The following MAPK9 variants were observed in gnomAD, a reference collection of about 807,000 sequenced individuals.
MAPK9 encodes the protein Jun kinase.
MAPK9 carries 30 observed loss-of-function variants against 57.1 expected under a neutral mutation model. The ratio of observed to expected loss-of-function variants is 0.53; its 90% confidence interval spans 0.39 to 0.71. The LOEUF (loss-of-function observed/expected upper bound fraction) is 0.71. Among genes scored for constraint, MAPK9 ranks in the 30% least tolerant of loss-of-function variants. The probability of loss-of-function intolerance (pLI) is 0.00; values close to 1 mark genes in which losing one functional copy is unlikely to be tolerated. For synonymous variants in MAPK9, 155 were observed against 177.0 expected, an observed-to-expected ratio of 0.88 and a Z score of 0.99; for missense variants, 362 against 521.0, an observed-to-expected ratio of 0.69 and a Z score of 2.97.
intron 4 of MAPK9, among the ~76,000 whole-genome samples, chr5:180,263,592 C>A (rs1344581114): frequency 6.6e-6 from 1 of 152,170 alleles, no homozygotes; most frequent in Non-Finnish European, 1.5e-5. Flanking sequence ...TCTAGCCACG[C>A]CACCTCTTGA....
At position 180,247,410 on chromosome 5, in the gene MAPK9, G is replaced by A; in HGVS notation, c.688+29C>T. ...GCTGCCTGAGGCATTAAGAAAGCATGGCGGGGCCAAGGTCGCGGGGAAGGA... is the reference window on the plus strand; with the variant it reads ...GCTGCCTGAGGCATTAAGAAAGCATAGCGGGGCCAAGGTCGCGGGGAAGGA... On this transcript the variant is annotated intron_variant, in intron 7 of 11. Transcript: ENST00000452135. The surrounding 1 kb of genome is among the most constrained non-coding windows in gnomAD (Gnocchi z 4.5). 1 of 1,614,144 alleles carries A rather than the reference G, an allele frequency of 6.2e-7. No homozygotes were observed. Among genetic ancestry groups the A allele is most frequent in the Middle Eastern group, 1.6e-4 (1 of 6,062 alleles).
chr5:180,261,330 A>G (rs1759930535), intron 5 of MAPK9, among the ~76,000 whole-genome samples: 1 of 152,272 alleles, frequency 6.6e-6, no homozygotes, highest in Non-Finnish European at 1.5e-5. Flanking sequence ...TGGCAAATAT[A>G]TTAAAAACAG....
chr5:180,279,870 C>T (rs11744336), intron 2 of MAPK9: 5,346 of 456,574 alleles, frequency 0.012, 46 homozygotes, highest in Non-Finnish European at 0.015. Flanking sequence ...GTCAGACTAA[C>T]GATTCTGACG....
chr5:180,255,174 C>T (rs6875134), intron 5 of MAPK9, among the ~76,000 whole-genome samples: 55,553 of 151,966 alleles, frequency 0.37, 10,459 homozygotes, highest in Non-Finnish European at 0.41. Context: ...CACTACTCAT[C>T]ATGTGAGAGG....
intron 7 of MAPK9, among the ~76,000 whole-genome samples, chr5:180,243,487 A>G (rs1004119831): frequency 1.3e-5 from 2 of 152,270 alleles, no homozygotes; most frequent in South Asian, 4.2e-4. Flanking sequence ...TAGGCTTGGG[A>G]TAATTAGGAT....
chr5:180,291,731 G>A (rs1763269148), intron 1 of MAPK9, 117 bp downstream of exon 1: 1 of 150,106 alleles, frequency 6.7e-6, no homozygotes, highest in Non-Finnish European at 1.5e-5. Flanking sequence ...CGGCTGCCAG[G>A]GCCCCGCAGC....
intron 2 of MAPK9, among the ~76,000 whole-genome samples, chr5:180,278,811 C>T (rs1762057765): frequency 6.6e-6 from 1 of 152,192 alleles, no homozygotes; most frequent in Non-Finnish European, 1.5e-5. Context: ...CTCTCTCTCT[C>T]GCATGCACAC....
At chr5:180,282,161 A>G (rs1042428200) in intron 1 of MAPK9, among the ~76,000 whole-genome samples, 1 of 152,202 alleles carries the variant, frequency 6.6e-6, no homozygotes, top group Non-Finnish European at 1.5e-5. Context: ...CACTGTGAGC[A>G]TTCAATAAAC....
chr5:180,245,604 T>A (rs1758023511), intron 7 of MAPK9, among the ~76,000 whole-genome samples: 1 of 151,908 alleles, frequency 6.6e-6, no homozygotes, highest in South Asian at 2.1e-4. Context: ...GAACAATAAT[T>A]CCGACAAGCC....
intron 1 of MAPK9, 48 bp from the exon 2 acceptor site, chr5:180,280,656 C>T (rs761339562): frequency 8.3e-6 from 12 of 1,451,306 alleles, no homozygotes; most frequent in Non-Finnish European, 1.1e-5. Flanking sequence ...GAAGTACATA[C>T]GCAGCTCACG....
chr5:180,287,845 A>ACC (rs1762905712), intron 1 of MAPK9, among the ~76,000 whole-genome samples: 1 of 152,176 alleles, frequency 6.6e-6, no homozygotes, highest in Non-Finnish European at 1.5e-5. Flanking sequence ...TCTACTCTGT[A>ACC]AGGGCAGAAA....
intron 5 of MAPK9, among the ~76,000 whole-genome samples, chr5:180,252,664 G>A (rs1051929588): frequency 7.9e-5 from 12 of 152,274 alleles, no homozygotes; most frequent in South Asian, 2.1e-4. Flanking sequence ...CCTCCGCTCC[G>A]GCTACACACT....
Position 180,247,799 on chromosome 5 carries a change from G to A in MAPK9, c.617-289C>T, listed in dbSNP as rs529912342. Reference sequence around the variant, plus strand: ...GCCTGTGAACACAAAGCTTTTCAGGGCCACACGCCCACCCCAGCCTCCATG... The same window carrying A: ...GCCTGTGAACACAAAGCTTTTCAGGACCACACGCCCACCCCAGCCTCCATG... On this transcript the variant is annotated intron_variant, in intron 6 of 11. Coordinates refer to ENST00000452135, the MANE Select transcript of MAPK9 (RefSeq NM_002752.5). The surrounding 1 kb of genome is among the most constrained non-coding windows in gnomAD (Gnocchi z 4.5). 32 of 1,552,186 alleles carry A rather than the reference G, an allele frequency of 2.1e-5. No homozygotes were observed. Among genetic ancestry groups the A allele is most frequent in the South Asian group, 8.9e-5 (8 of 89,712 alleles).
At chr5:180,262,893 T>G (rs1289980140) in intron 4 of MAPK9, 1 of 152,364 alleles carries the variant, frequency 6.6e-6, no homozygotes, top group African/African-American at 2.4e-5. Context: ...TGTCTCTAAC[T>G]TCTCGCTGTC....
intron 1 of MAPK9, chr5:180,287,189 A>G (rs1232194662): frequency 1.3e-5 from 2 of 152,208 alleles, no homozygotes; most frequent in Non-Finnish European, 2.9e-5. Flanking sequence ...TGGGATGATG[A>G]CATAGTTTTG....
chr5:180,238,836 T>C lies in MAPK9; in HGVS notation c.1061-433A>G, dbSNP rs113256304. Among the ~76,000 whole-genome samples the C allele has an allele frequency of 8.4e-3, 1,285 of 152,316 alleles. 15 individuals are homozygous for C. The highest frequency in any genetic ancestry group is 0.024 in the Admixed American group (366 of 15,300). On this transcript the variant is annotated intron_variant, in intron 10 of 11. Transcript: ENST00000452135. ...GTTGGCTAGGCTTGTCTTGAATTCC[T>C]GGCCTCAAGCCATCTGCCCCACTTG...
intron 9 of MAPK9, among the ~76,000 whole-genome samples, chr5:180,240,483 C>T (rs1411375399): frequency 6.6e-6 from 1 of 152,216 alleles, no homozygotes; most frequent in Non-Finnish European, 1.5e-5. Flanking sequence ...AACCACAGGC[C>T]ATGACATAAA....
chr5:180,282,035 GC>G (rs1216904258), intron 1 of MAPK9, among the ~76,000 whole-genome samples: 2 of 152,232 alleles, frequency 1.3e-5, no homozygotes, highest in African/African-American at 4.8e-5. Context: ...GGACTCAGGA[GC>G]TCTCCAGGCT....
intron 3 of MAPK9, among the ~76,000 whole-genome samples, chr5:180,268,075 C>T (rs959454251): frequency 7.2e-5 from 11 of 152,086 alleles, no homozygotes; most frequent in East Asian, 1.9e-4. Flanking sequence ...CCACCCGCCT[C>T]GGCCTCCTAA....
Sources: allele counts gnomAD v4.1 joint callset (sites outside exome capture counted in the v4.1 genomes callset), GRCh38; gene constraint gnomAD v4.1.1; non-coding constraint Gnocchi (gnomAD v3.1); transcripts MANE v1.5; gene names NCBI Gene and HGNC (gene_info 2026-07-23, HGNC 2026-07-21).